Variants in TSNAXIP1 observed in about 807,000 individuals in gnomAD.
The protein encoded by TSNAXIP1 is translin-associated factor X-interacting protein 1.
Under a neutral mutation model 84.8 loss-of-function variants are expected in TSNAXIP1, and 89 were observed. The observed-to-expected ratio is 1.05, with a 90% CI of 0.88 to 1.25. TSNAXIP1 has a LOEUF of 1.25. TSNAXIP1 is among the 50% of genes most tolerant of loss of function. TSNAXIP1 has a pLI of 0.00. For synonymous variants in TSNAXIP1, 347 were observed against 335.2 expected, an observed-to-expected ratio of 1.04 and a Z score of -0.39; for missense variants, 874 against 887.6, an observed-to-expected ratio of 0.98 and a Z score of 0.20.
intron 4 of TSNAXIP1, among the ~76,000 whole-genome samples, chr16:67,823,369 C>T (rs1027525169): frequency 1.3e-5 from 2 of 152,034 alleles, no homozygotes; most frequent in African/African-American, 4.8e-5. Context: ...ATGGTGAAAC[C>T]TCATCTCTAC....
intron 6 of TSNAXIP1, 117 bp from the exon 7 acceptor site, chr16:67,825,020 C>A: frequency 7.2e-7 from 1 of 1,396,558 alleles, no homozygotes; most frequent in Non-Finnish European, 9.7e-7. Flanking sequence ...CTTCTTTCAC[C>A]TTTCCTGTTC....
At chr16:67,825,107 C>T in intron 6 of TSNAXIP1, 30 bp from the exon 7 acceptor site, 2 of 1,609,548 alleles carry the variant, frequency 1.2e-6, no homozygotes, top group Non-Finnish European at 1.7e-6. Context: ...CCAGGGGCAG[C>T]CCCTGACCAC....
intron 13 of TSNAXIP1, 23 bp downstream of exon 13, chr16:67,827,095 C>A: frequency 6.2e-7 from 1 of 1,611,850 alleles, no homozygotes; most frequent in East Asian, 2.2e-5. Context: ...TCCAGGCTAC[C>A]CCCAACTCCT....
chr16:67,826,153 TGTG>T lies in TSNAXIP1; in HGVS notation c.1151_1153del (p.Val384del), dbSNP rs764966774. 5.0e-6 allele frequency: 8 copies of T among 1,613,058 alleles called. No individual in the cohort carries two copies. Among genetic ancestry groups the T allele is most frequent in the East Asian group, 2.2e-5 (1 of 44,868 alleles). ...CCAGCTCCCTCTCCCCACATGCAGA[TGTG>T]GTGGCTGGGGGCCCAGAGCGCTGGC... On this transcript the variant is annotated inframe_deletion and splice_region_variant, in exon 10 of 16. Coordinates refer to ENST00000561639, the MANE Select transcript of TSNAXIP1 (RefSeq NM_001288990.3).
chr16:67,825,590 C>A, intron 7 of TSNAXIP1, 77 bp from the exon 8 acceptor site: 2 of 1,528,282 alleles, frequency 1.3e-6, no homozygotes, highest in Middle Eastern at 1.8e-4. Flanking sequence ...GAACCCCAAA[C>A]AGGAAGGGCA....
At chr16:67,823,542 C>A in intron 4 of TSNAXIP1, 84 bp from the exon 5 acceptor site, 1 of 1,142,670 alleles carries the variant, frequency 8.8e-7, no homozygotes, top group Non-Finnish European at 1.3e-6. Context: ...CACTCCGTCT[C>A]AGGAAAAAAG....
chr16:67,816,973 A>C (rs542529909), intron 2 of TSNAXIP1, among the ~76,000 whole-genome samples: 1 of 149,164 alleles, frequency 6.7e-6, no homozygotes, highest in Admixed American at 6.6e-5. Flanking sequence ...AATATTAATT[A>C]ATTTATTTTT....
Position 67,826,250 on chromosome 16 carries a change from C to A in TSNAXIP1, c.1243C>A (p.Leu415Met), listed in dbSNP as rs1015243353. ...DVLLEEIGSG[L>M]LREKDFFPGL... is the part of the protein sequence containing the mutation. ...GCTCCTGGAAGAGATTGGTTCGGGG[C>A]TGCTGCGGGAGAAAGACTTCTTCCC... The change falls in exon 10 of 16, where the codon CTG becomes ATG. Residue 415 changes from leucine to methionine, a missense_variant. Leu to Met is a conservative substitution (Grantham distance 15). Coordinates refer to ENST00000561639, the MANE Select transcript of TSNAXIP1 (RefSeq NM_001288990.3). The A allele has an allele frequency of 1.3e-6, 2 of 1,585,686 alleles. No homozygotes were observed. The highest frequency in any genetic ancestry group is 8.6e-7 in the Non-Finnish European group (1 of 1,164,378).
chr16:67,826,957 T>G lies in TSNAXIP1; in HGVS notation c.1555-6T>G. ...CAGCAGGTGAATAATGCTTCTCTCC[T>G]TATAGCGGAGTGAGAATGTGTATGT... is the stretch of plus-strand genomic sequence containing the variant. On this transcript the variant is annotated splice_region_variant and splice_polypyrimidine_tract_variant and intron_variant, in intron 12 of 15. Coordinates refer to ENST00000561639, the MANE Select transcript of TSNAXIP1 (RefSeq NM_001288990.3). 1 of 1,614,076 alleles carries G rather than the reference T, an allele frequency of 6.2e-7. No homozygotes were observed. Among genetic ancestry groups the G allele is most frequent in the Non-Finnish European group, 8.5e-7 (1 of 1,180,004 alleles).
rs2056986761 is a variant in TSNAXIP1, at chr16:67,820,862, G to A, written c.171G>A (p.Gly57=). The A allele has an allele frequency of 5.1e-6, 8 of 1,572,734 alleles. No homozygotes were observed. In the South Asian group the frequency reaches 9.5e-5, roughly 19 times the overall value. The change falls in exon 3 of 16, where the codon GGG becomes GGA. Residue 57 remains glycine (G), a synonymous_variant. Transcript: ENST00000561639. The part of the protein sequence containing the change: ...RTLTGQFSMG[G]HLSPWPTYTS... ...AGACTGGTCAGTTCTCCATGGGTGG[G>A]CACCTGTCCCCATGGCCCACATACA...
Position 67,827,976 on chromosome 16 carries a change from C to T in TSNAXIP1, c.2122C>T (p.Pro708Ser). ...IDIRRVGPRE[P>S]EPAS ...CATCAGGCGTGTGGGACCTCGAGAG[C>T]CAGAGCCTGCAAGCTAGGAACTTGT... is the stretch of plus-strand genomic sequence containing the variant. The change falls in exon 16 of 16, where the codon CCA becomes TCA. Residue 708 changes from proline to serine, a missense_variant. Pro to Ser is a moderately conservative substitution (Grantham distance 74). Coordinates refer to ENST00000561639, the MANE Select transcript of TSNAXIP1 (RefSeq NM_001288990.3). 6.2e-7 allele frequency: 1 copy of T among 1,613,146 alleles called. No individual in the cohort carries two copies. Among genetic ancestry groups the T allele is most frequent in the South Asian group, 1.1e-5 (1 of 91,082 alleles).
rs1020755476 is a variant in TSNAXIP1 at position 67,815,377 on chromosome 16, GGGTGCAGT to G, written c.147+993_147+1000del. 4.0e-5 allele frequency among the ~76,000 whole-genome samples: 6 copies of G among 150,570 alleles called. 1 individual carries two copies. Among genetic ancestry groups the G allele is most frequent in the Admixed American group, 2.6e-4 (4 of 15,128 alleles). On this transcript the variant is annotated intron_variant, in intron 2 of 15. Coordinates refer to ENST00000561639, the MANE Select transcript of TSNAXIP1 (RefSeq NM_001288990.3). ...TTTTGAGACAGGCTTTTGCCTGTCA[GGGTGCAGT>G]GGTGCAGTGGTGCAGTTATGGCTCG...
At chr16:67,807,243 C>A in intron 1 of TSNAXIP1, 47 bp downstream of exon 1, 1 of 1,535,886 alleles carries the variant, frequency 6.5e-7, no homozygotes, top group Non-Finnish European at 8.7e-7. Context: ...TTGAGTACTT[C>A]TAGAGAGGGA....
chr16:67,815,961 G>A (rs1425655678), intron 2 of TSNAXIP1, among the ~76,000 whole-genome samples: 10 of 149,086 alleles, frequency 6.7e-5, no homozygotes, highest in East Asian at 3.9e-4. Flanking sequence ...CACCATGCCC[G>A]GCTAATTTTT....
chr16:67,823,781 G>T lies in TSNAXIP1; in HGVS notation c.481+62G>T, dbSNP rs1033097386. 6 of 1,434,446 alleles carry T rather than the reference G, an allele frequency of 4.2e-6. No individual in the cohort carries two copies. In the Admixed American group the frequency reaches 1.0e-4, roughly 25 times the overall value. 88.9% of individuals were successfully genotyped at this position (1,434,446 alleles called of 1,614,324 possible). Reference sequence around the variant, plus strand: ...GCCTGTAATCCCAGCACTTTAGGAGGCCGAGGCGGTAGATCACTTGAGGTC... The same window carrying T: ...GCCTGTAATCCCAGCACTTTAGGAGTCCGAGGCGGTAGATCACTTGAGGTC... On this transcript the variant is annotated intron_variant, in intron 5 of 15. Coordinates refer to ENST00000561639, the MANE Select transcript of TSNAXIP1 (RefSeq NM_001288990.3).
chr16:67,823,598 G>T lies in TSNAXIP1; in HGVS notation c.388-28G>T, dbSNP rs1320194590. 5.0e-6 allele frequency: 8 copies of T among 1,590,816 alleles called. No individual in the cohort carries two copies. The African/African-American group carries it at 6.7e-5, about 13-fold the overall frequency. On this transcript the variant is annotated intron_variant, in intron 4 of 15. Coordinates refer to ENST00000561639, the MANE Select transcript of TSNAXIP1 (RefSeq NM_001288990.3). ...ACTAAGGTTGGCAGCTGTGGGCTAG[G>T]AGATGATGGGTTCCCTTTTCTTGCC...
chr16:67,824,150 C>A (rs1456293905), intron 5 of TSNAXIP1, among the ~76,000 whole-genome samples: 1 of 152,074 alleles, frequency 6.6e-6, no homozygotes, highest in Non-Finnish European at 1.5e-5. Context: ...TTGAGGTCAC[C>A]AAGGCCCCTC....
rs2151273123 is a variant in TSNAXIP1, at chr16:67,826,756, T to C, written c.1466T>C (p.Met489Thr). 6.2e-7 allele frequency: 1 copy of C among 1,614,184 alleles called. No homozygotes were observed. The highest frequency in any genetic ancestry group is 1.3e-5 in the African/African-American group (1 of 75,048). ...LEHRFGPSDA[M>T]AWAYTIFENI... Reference sequence around the variant, plus strand: ...CATCGCTTTGGGCCCAGTGATGCCATGGCCTGGGCTTATACTATTTTTGAA... The same window carrying C: ...CATCGCTTTGGGCCCAGTGATGCCACGGCCTGGGCTTATACTATTTTTGAA... The change falls in exon 12 of 16, where the codon ATG becomes ACG. Residue 489 changes from methionine to threonine, a missense_variant. Transcript: ENST00000561639.
chr16:67,827,548 C>T lies in TSNAXIP1; in HGVS notation c.1867C>T (p.Gln623Ter). The stretch of plus-strand genomic sequence containing the variant: ...CATGGATGAGAAGGACGAGTACTTA[C>T]AGCAGCTAAAGCAGGAGCTTGGCAT... ...QYMDEKDEYL[Q>*]QLKQELGIEL... Residue 623 changes from glutamine (Q) to a stop codon, truncating the protein, a stop_gained, in exon 15 of 16, where the codon CAG (glutamine) becomes TAG (stop). Transcript: ENST00000561639. LOFTEE classifies it low-confidence loss of function (END_TRUNC). 6.2e-7 allele frequency: 1 copy of T among 1,614,176 alleles called. No homozygotes were observed. The highest frequency in any genetic ancestry group is 2.2e-5 in the East Asian group (1 of 44,882).
Sources: gnomAD v4.1 joint callset for allele counts (sites outside exome capture counted in the v4.1 genomes callset) on GRCh38, gnomAD v4.1.1 for gene constraint, MANE v1.5 for transcripts, NCBI Gene and HGNC (gene_info 2026-07-23, HGNC 2026-07-21) for gene names.